Variants in AGO3 observed in about 807,000 individuals in gnomAD.
AGO3 encodes argonaute RISC catalytic component 3.
Under a neutral mutation model 105.5 loss-of-function variants are expected in AGO3, and 16 were observed. The observed-to-expected ratio is 0.15, with a 90% CI of 0.10 to 0.23. The LOEUF (loss-of-function observed/expected upper bound fraction) is 0.23. Among genes scored for constraint, AGO3 ranks in the 10% least tolerant of loss-of-function variants. The probability of loss-of-function intolerance (pLI) is 1.00; values close to 1 mark genes in which losing one functional copy is unlikely to be tolerated. For missense variants in AGO3, 534 were observed against 1,088.0 expected, an observed-to-expected ratio of 0.49 and a Z score of 7.16; for synonymous variants, 340 against 367.3, an observed-to-expected ratio of 0.93 and a Z score of 0.85.
At chr1:35,965,804 G>T (rs1228524718) in intron 2 of AGO3, among the ~76,000 whole-genome samples, 1 of 149,848 alleles carries the variant, frequency 6.7e-6, no homozygotes, top group Non-Finnish European at 1.5e-5. Context: ...CTTAACTGAG[G>T]TAGACTTGAA....
chr1:36,019,602 C>G (rs1641105825), intron 11 of AGO3, among the ~76,000 whole-genome samples: 1 of 152,150 alleles, frequency 6.6e-6, no homozygotes, highest in African/African-American at 2.4e-5. Context: ...CACTGAAAAT[C>G]ACAATTGAAT....
intron 17 of AGO3, among the ~76,000 whole-genome samples, chr1:36,048,944 CAA>C: frequency 6.6e-6 from 1 of 152,306 alleles, no homozygotes; most frequent in Admixed American, 6.5e-5. Context: ...AGAGCTCAAG[CAA>C]TCCACCTGCC....
chr1:36,040,087 T>A, intron 15 of AGO3, 103 bp downstream of exon 15: 1 of 1,312,220 alleles, frequency 7.6e-7, no homozygotes, highest in Non-Finnish European at 1.0e-6. Flanking sequence ...GTTCCCCAAG[T>A]CAAAACTTGG....
intron 12 of AGO3, among the ~76,000 whole-genome samples, chr1:36,029,347 G>T (rs1641656007): frequency 6.7e-6 from 1 of 149,818 alleles, no homozygotes; most frequent in African/African-American, 2.4e-5. Context: ...AAAATTGTCA[G>T]ATTTGACTGA....
At chr1:35,976,136 T>C (rs1646953487) in intron 5 of AGO3, among the ~76,000 whole-genome samples, 1 of 152,054 alleles carries the variant, frequency 6.6e-6, no homozygotes, top group African/African-American at 2.4e-5. Flanking sequence ...GGTTTCACCA[T>C]GTTGGTCAGG....
In AGO3 at chr1:36,027,582, A is replaced by T. The variant is rs2148834396; in HGVS notation, c.1591+284A>T. On this transcript the variant is annotated intron_variant, in intron 12 of 18. Transcript: ENST00000373191. The surrounding 1 kb of genome is among the most constrained non-coding windows in gnomAD (Gnocchi z 4.0). ...CACCTGAGGTCAGGAGTTCGAGACC[A>T]GCCTGGCCAATGTGGTGAAACCCCA... Among the ~76,000 whole-genome samples, 1 of 152,224 alleles carries T rather than the reference A, an allele frequency of 6.6e-6. No homozygotes were observed. Among genetic ancestry groups the T allele is most frequent in the South Asian group, 2.1e-4 (1 of 4,826 alleles).
intron 14 of AGO3, among the ~76,000 whole-genome samples, chr1:36,039,141 C>T (rs1642138631): frequency 6.6e-6 from 1 of 151,658 alleles, no homozygotes; most frequent in African/African-American, 2.4e-5. Flanking sequence ...AGTTTTTTAC[C>T]CTATACTAGG....
rs565582325 is a variant in AGO3 at position 36,002,657 on chromosome 1, A to G, written c.659-1684A>G. ...AAAAATATTTTGAAGAAAATAAAAT[A>G]CCCACAGTAGCCTCACCACCCACAT... On this transcript the variant is annotated intron_variant, in intron 5 of 18. Coordinates refer to ENST00000373191, the MANE Select transcript of AGO3 (RefSeq NM_024852.4). Among the ~76,000 whole-genome samples the G allele has an allele frequency of 5.9e-5, 9 of 151,968 alleles. No individual in the cohort carries two copies. The East Asian group carries it at 1.7e-3, about 29-fold the overall frequency.
intron 17 of AGO3, among the ~76,000 whole-genome samples, chr1:36,044,181 CA>C (rs1642364434): frequency 6.6e-6 from 1 of 151,920 alleles, no homozygotes; most frequent in African/African-American, 2.4e-5. Context: ...CCCGTCTCTA[CA>C]AAAAATATAA....
Position 36,043,568 on chromosome 1 carries a change from A to T in AGO3, c.2274+20A>T, listed in dbSNP as rs756322598. 1 of 1,541,702 alleles carries T rather than the reference A, an allele frequency of 6.5e-7. No individual in the cohort carries two copies. The highest frequency in any genetic ancestry group is 8.8e-7 in the Non-Finnish European group (1 of 1,130,842). On this transcript the variant is annotated intron_variant, in intron 17 of 18. Transcript: ENST00000373191. ...ATACAGGTAAGCCTACACTTTGGGTAAAATATTTTAATTCAAGAACTGTCA... is the reference window on the plus strand; with the variant it reads ...ATACAGGTAAGCCTACACTTTGGGTTAAATATTTTAATTCAAGAACTGTCA...
At chr1:36,047,395 C>T (rs1642519396) in intron 17 of AGO3, among the ~76,000 whole-genome samples, 1 of 149,354 alleles carries the variant, frequency 6.7e-6, no homozygotes, top group African/African-American at 2.5e-5. Context: ...TTTGATCAAG[C>T]AGAAGAATCT....
At chr1:35,977,391 A>ATTT (rs35048209) in intron 5 of AGO3, among the ~76,000 whole-genome samples, 7 of 128,334 alleles carry the variant, frequency 5.5e-5, no homozygotes, top group African/African-American at 2.0e-4. Context: ...CGTTATTATG[A>ATTT]TTTTTTTTTT....
chr1:35,938,268 G>A (rs1232492759), intron 1 of AGO3, among the ~76,000 whole-genome samples: 3 of 152,074 alleles, frequency 2.0e-5, no homozygotes, highest in African/African-American at 7.2e-5. Context: ...ACAGGTATGA[G>A]CCACTGTGCC....
intron 1 of AGO3, 77 bp downstream of exon 1, chr1:35,931,522 G>T (rs367998587): frequency 6.9e-6 from 9 of 1,307,974 alleles, no homozygotes; most frequent in Middle Eastern, 2.1e-4. Context: ...CCTCCCGCCC[G>T]GCCCAGGTGC....
chr1:36,032,638 C>T (rs1218290587), intron 12 of AGO3, among the ~76,000 whole-genome samples: 8 of 152,310 alleles, frequency 5.3e-5, no homozygotes, highest in South Asian at 2.1e-4. Flanking sequence ...CCTCAGCCTA[C>T]CAAAGTGCTG....
intron 3 of AGO3, among the ~76,000 whole-genome samples, chr1:35,970,896 A>G (rs1646855891): frequency 6.6e-6 from 1 of 151,282 alleles, no homozygotes; most frequent in African/African-American, 2.4e-5. Flanking sequence ...CACCTGGCTA[A>G]TTTAATTTTT....
At chr1:35,990,714 GTAAA>G (rs1371907948) in intron 5 of AGO3, among the ~76,000 whole-genome samples, 1 of 152,216 alleles carries the variant, frequency 6.6e-6, no homozygotes, top group South Asian at 2.1e-4. Flanking sequence ...AAAATTTCTA[GTAAA>G]TAAAAAATTC....
At position 36,056,200 on chromosome 1, in the gene AGO3, CTGTG is replaced by C. The variant is rs1221193684; in HGVS notation, c.*457_*460del. The C allele has an allele frequency of 6.4e-6, 1 of 155,166 alleles. No individual in the cohort carries two copies. The highest frequency in any genetic ancestry group is 2.4e-5 in the African/African-American group (1 of 41,416). 9.6% of individuals were successfully genotyped at this position (155,166 alleles called of 1,614,324 possible). On this transcript the variant is annotated 3_prime_UTR_variant, in exon 19 of 19. Coordinates refer to ENST00000373191, the MANE Select transcript of AGO3 (RefSeq NM_024852.4). ...ATTCATATATTCTTGTAAAAGGTGT[CTGTG>C]TATTTTTAAAATATATACATCCATA...
intron 2 of AGO3, among the ~76,000 whole-genome samples, chr1:35,948,569 C>G (rs1019921693): frequency 6.6e-6 from 1 of 151,096 alleles, no homozygotes; most frequent in Non-Finnish European, 1.5e-5. Context: ...CTTTCTCCTG[C>G]CTAACATTTT....
Sources: allele counts gnomAD v4.1 joint callset (sites outside exome capture counted in the v4.1 genomes callset), GRCh38; gene constraint gnomAD v4.1.1; non-coding constraint Gnocchi (gnomAD v3.1); transcripts MANE v1.5; gene names NCBI Gene and HGNC (gene_info 2026-07-23, HGNC 2026-07-21).